Variants in ANO4 observed in about 807,000 individuals in gnomAD.
The protein encoded by ANO4 is anoctamin-4.
A neutral mutation model predicts 141.9 loss-of-function variants in ANO4; 69 were observed. That is an observed-to-expected ratio of 0.49 (90% CI 0.40 to 0.59). ANO4 has a LOEUF of 0.59. Among genes scored for constraint, ANO4 ranks in the 20% least tolerant of loss-of-function variants. ANO4 has a pLI of 0.00. For missense variants in ANO4, 894 were observed against 1,162.2 expected, an observed-to-expected ratio of 0.77 and a Z score of 3.36; for synonymous variants, 350 against 394.3, an observed-to-expected ratio of 0.89 and a Z score of 1.33.
intron 4 of ANO4, among the ~76,000 whole-genome samples, chr12:100,939,930 T>C (rs1393444): frequency 0.21 from 32,534 of 152,110 alleles, 4,369 homozygotes; most frequent in Middle Eastern, 0.4. Flanking sequence ...TTGGAAAAAT[T>C]AGTATTTTTT....
At chr12:100,975,698 C>T (rs910236636) in intron 7 of ANO4, among the ~76,000 whole-genome samples, 9 of 151,950 alleles carry the variant, frequency 5.9e-5, no homozygotes, top group Non-Finnish European at 1.5e-5. Context: ...ACCTCGGCCT[C>T]CCAAAGTGCT....
intron 13 of ANO4, among the ~76,000 whole-genome samples, chr12:101,044,882 T>G (rs575316353): frequency 1.1e-4 from 16 of 152,344 alleles, no homozygotes; most frequent in African/African-American, 3.8e-4. Flanking sequence ...CATAGAGATT[T>G]GGTGAGCATC....
At chr12:100,805,954 G>A (rs10160884) in intron 1 of ANO4, among the ~76,000 whole-genome samples, 115,438 of 152,032 alleles carry the variant, frequency 0.76, 44,530 homozygotes, top group East Asian at 0.94. Context: ...GAAAAGAGAA[G>A]AGTAGAGTGG....
intron 5 of ANO4, among the ~76,000 whole-genome samples, chr12:100,966,884 T>TACACACACACACACACACAC (rs139462317): frequency 6.8e-6 from 1 of 147,470 alleles, no homozygotes; most frequent in African/African-American, 2.5e-5. Flanking sequence ...CACACACACA[T>TACACACACACACACACACAC]ACACACACAC....
intron 1 of ANO4, among the ~76,000 whole-genome samples, chr12:100,879,725 T>G (rs2039479545): frequency 6.6e-6 from 1 of 152,190 alleles, no homozygotes; most frequent in Admixed American, 6.6e-5. Context: ...GCTCCTCCAA[T>G]CACCCTTTTT....
At chr12:100,721,271 T>C (rs555633047) in intron 1 of ANO4, among the ~76,000 whole-genome samples, 16 of 152,320 alleles carry the variant, frequency 1.1e-4, no homozygotes, top group African/African-American at 3.1e-4. Flanking sequence ...AACCCAGGGT[T>C]ACTAGAACGA....
intron 1 of ANO4, among the ~76,000 whole-genome samples, chr12:100,871,279 A>G (rs1054527133): frequency 1.4e-4 from 21 of 152,220 alleles, no homozygotes; most frequent in African/African-American, 5.1e-4. Context: ...GCCGTATTCC[A>G]AAATAGATAG....
At chr12:100,807,936 G>T (rs1262196657) in intron 1 of ANO4, among the ~76,000 whole-genome samples, 1 of 152,148 alleles carries the variant, frequency 6.6e-6, no homozygotes, top group Non-Finnish European at 1.5e-5. Flanking sequence ...CGGTATATAT[G>T]TACCACATCT....
chr12:101,109,125 C>T (rs1032825236), intron 22 of ANO4, among the ~76,000 whole-genome samples: 11 of 152,112 alleles, frequency 7.2e-5, no homozygotes, highest in African/African-American at 4.8e-5. Context: ...TTGTCTCGTG[C>T]GTTTGCACAA....
intron 1 of ANO4, among the ~76,000 whole-genome samples, chr12:100,898,798 G>C (rs1356366824): frequency 6.6e-6 from 1 of 152,172 alleles, no homozygotes; most frequent in African/African-American, 2.4e-5. Context: ...AATTTTTTCA[G>C]GAGAGCAGTC....
chr12:100,761,598 T>G (rs1236760270), intron 3 of ANO4, among the ~76,000 whole-genome samples: 1 of 152,160 alleles, frequency 6.6e-6, no homozygotes, highest in Non-Finnish European at 1.5e-5. Flanking sequence ...TTATTGGCCG[T>G]GTAGGTACCT....
At chr12:100,744,122 G>T (rs2031994133) in intron 3 of ANO4, among the ~76,000 whole-genome samples, 1 of 152,068 alleles carries the variant, frequency 6.6e-6, no homozygotes, top group African/African-American at 2.4e-5. Context: ...TTTTACATGT[G>T]TATTTATAAG....
intron 9 of ANO4, among the ~76,000 whole-genome samples, chr12:101,029,766 T>C (rs950770348): frequency 6.6e-6 from 1 of 151,528 alleles, no homozygotes; most frequent in Non-Finnish European, 1.5e-5. Context: ...AAAAATTAGC[T>C]GGGTATGGTG....
At chr12:101,065,746 T>C (rs1372022194) in intron 14 of ANO4, among the ~76,000 whole-genome samples, 1 of 152,150 alleles carries the variant, frequency 6.6e-6, no homozygotes, top group Non-Finnish European at 1.5e-5. Context: ...AGGGAATATT[T>C]CCAAACTCAT....
chr12:101,096,470 G>A (rs1310741453), intron 18 of ANO4, 66 bp from the exon 19 acceptor site: 4 of 1,272,672 alleles, frequency 3.1e-6, no homozygotes, highest in Non-Finnish European at 4.6e-6. Context: ...TGTGGGGAGG[G>A]AAAGAGAGGG....
chr12:100,990,330 T>C (rs758340402), intron 8 of ANO4, among the ~76,000 whole-genome samples: 15 of 152,208 alleles, frequency 9.9e-5, no homozygotes, highest in Non-Finnish European at 2.1e-4. Flanking sequence ...TACAGTGTTC[T>C]TGCTTTAGAA....
At chr12:100,983,935 T>C (rs909373323) in intron 7 of ANO4, among the ~76,000 whole-genome samples, 1 of 152,100 alleles carries the variant, frequency 6.6e-6, no homozygotes, top group Non-Finnish European at 1.5e-5. Flanking sequence ...CTGCTGACCA[T>C]GTTTGAGTGT....
intron 3 of ANO4, among the ~76,000 whole-genome samples, chr12:100,938,724 A>C (rs538935703): frequency 3.3e-4 from 51 of 152,322 alleles, no homozygotes; most frequent in Non-Finnish European, 2.1e-4. Flanking sequence ...AGAGCTTCTG[A>C]ATGGCTCACT....
chr12:100,841,765 A>G (rs1374731256), intron 1 of ANO4, among the ~76,000 whole-genome samples: 1 of 152,182 alleles, frequency 6.6e-6, no homozygotes, highest in Non-Finnish European at 1.5e-5. Flanking sequence ...GAAATATAGG[A>G]TATAATTGAT....
Sources: allele counts gnomAD v4.1 joint callset (sites outside exome capture counted in the v4.1 genomes callset), GRCh38; gene constraint gnomAD v4.1.1; transcripts MANE v1.5; gene names NCBI Gene and HGNC (gene_info 2026-07-23, HGNC 2026-07-21).